The following SH3PXD2A variants were observed in gnomAD, a reference collection of about 807,000 sequenced individuals.
SH3PXD2A encodes SH3 and PX domain-containing protein 2A.
SH3PXD2A carries 32 observed loss-of-function variants against 115.2 expected under a neutral mutation model. The ratio of observed to expected loss-of-function variants is 0.28; its 90% CI spans 0.21 to 0.37. The LOEUF (loss-of-function observed/expected upper bound fraction) is 0.37. SH3PXD2A is among the 10% of genes least tolerant of loss of function. The pLI, the probability that SH3PXD2A is intolerant of heterozygous loss-of-function variation, is 1.00. For missense variants in SH3PXD2A, 1,328 were observed against 1,498.7 expected (o/e 0.89, Z 1.88); for synonymous variants, 610 against 629.1 (o/e 0.97, Z 0.45).
chr10:103,779,320 G>GC (rs2038910606), intron 2 of SH3PXD2A, among the ~76,000 whole-genome samples: 1 of 152,202 alleles, frequency 6.6e-6, no homozygotes, highest in African/African-American at 2.4e-5. Flanking sequence ...CACCCGCCTG[G>GC]CATGAGGCGC....
At chr10:103,727,657 C>A (rs774232441) in intron 4 of SH3PXD2A, among the ~76,000 whole-genome samples, 21 of 152,252 alleles carry the variant, frequency 1.4e-4, no homozygotes, top group Non-Finnish European at 2.8e-4. Context: ...CCAGCCCTGG[C>A]AGGGAACAGA....
intron 4 of SH3PXD2A, among the ~76,000 whole-genome samples, chr10:103,725,882 C>CAAAAT (rs1441813370): frequency 6.6e-6 from 1 of 151,496 alleles, no homozygotes; most frequent in Non-Finnish European, 1.5e-5. Context: ...TAAAATAAAA[C>CAAAAT]AAAATAAAAT....
intron 1 of SH3PXD2A, among the ~76,000 whole-genome samples, chr10:103,847,466 TCCACA>T (rs1436323057): frequency 6.6e-6 from 1 of 152,100 alleles, no homozygotes; most frequent in Non-Finnish European, 1.5e-5. Context: ...GGCGCATGCC[TCCACA>T]CCTGGCTTAT....
Position 103,784,049 on chromosome 10 carries a change from G to T in SH3PXD2A, c.154-16880C>A, listed in dbSNP as rs1310333791. On this transcript the variant is annotated intron_variant, in intron 2 of 14. Transcript: ENST00000369774. This position sits in a 1 kb window ranked among gnomAD's most constrained non-coding sequence, Gnocchi z 4.4. ...AGCCCACCCTGGTGCCCAGCTGCAG[G>T]CTACTTCTCCAGGTGGCAGCCCAGC... 6.6e-6 allele frequency among the ~76,000 whole-genome samples: 1 copy of T among 152,260 alleles called. No homozygotes were observed. The highest frequency in any genetic ancestry group is 1.5e-5 in the Non-Finnish European group (1 of 68,048).
chr10:103,714,656 G>A (rs958347724), intron 5 of SH3PXD2A, among the ~76,000 whole-genome samples: 2 of 152,234 alleles, frequency 1.3e-5, no homozygotes, highest in African/African-American at 4.8e-5. Context: ...GGATGGACAA[G>A]GTTTATTTAT....
chr10:103,630,586 A>C (rs1036687008), intron 8 of SH3PXD2A, among the ~76,000 whole-genome samples: 1 of 152,074 alleles, frequency 6.6e-6, no homozygotes, highest in Non-Finnish European at 1.5e-5. Context: ...TGGGGTGAGA[A>C]GCCTGAGAAT....
intron 8 of SH3PXD2A, among the ~76,000 whole-genome samples, chr10:103,644,116 A>G (rs2036997638): frequency 2.2e-4 from 1 of 4,544 alleles, no homozygotes; most frequent in Non-Finnish European, 3.9e-4. Context: ...CTCCATCCCA[A>G]AAAAAAAAAA....
chr10:103,740,654 AC>A (rs1174733663), intron 3 of SH3PXD2A, among the ~76,000 whole-genome samples: 1 of 152,040 alleles, frequency 6.6e-6, no homozygotes, highest in African/African-American at 2.4e-5. Flanking sequence ...TGGCCTCGGG[AC>A]CTCTTCTGGT....
chr10:103,767,997 G>T (rs1412543201), intron 2 of SH3PXD2A, among the ~76,000 whole-genome samples: 1 of 152,164 alleles, frequency 6.6e-6, no homozygotes, highest in Admixed American at 6.5e-5. Context: ...CTCAGGCAAG[G>T]AATGGAGCCT....
At chr10:103,610,069 T>C (rs936941208) in intron 13 of SH3PXD2A, 1 of 152,310 alleles carries the variant, frequency 6.6e-6, no homozygotes, top group Non-Finnish European at 1.5e-5. Context: ...TCTGAACTTC[T>C]CTTCTTCCCA....
intron 1 of SH3PXD2A, among the ~76,000 whole-genome samples, chr10:103,854,838 C>T (rs1216800449): frequency 6.6e-6 from 1 of 152,062 alleles, no homozygotes; most frequent in African/African-American, 2.4e-5. Context: ...GCCCAGGGCC[C>T]CTGGGGAGGG....
intron 8 of SH3PXD2A, among the ~76,000 whole-genome samples, chr10:103,652,028 T>G (rs2037132312): frequency 6.6e-6 from 1 of 152,220 alleles, no homozygotes; most frequent in Non-Finnish European, 1.5e-5. Flanking sequence ...TTGGCAAACT[T>G]ACTCTGAGTT....
At chr10:103,759,461 G>A (rs2038676519) in intron 3 of SH3PXD2A, among the ~76,000 whole-genome samples, 1 of 152,166 alleles carries the variant, frequency 6.6e-6, no homozygotes, top group Non-Finnish European at 1.5e-5. Flanking sequence ...CAGCTATTAG[G>A]ATGAAGGGCT....
Position 103,611,601 on chromosome 10 carries a change from G to A in SH3PXD2A, c.1288C>T (p.Pro430Ser). 4 of 1,614,170 alleles carry A rather than the reference G, an allele frequency of 2.5e-6. No individual in the cohort carries two copies. The highest frequency in any genetic ancestry group is 2.2e-5 in the East Asian group (1 of 44,880). Residue 430 changes from proline (P) to serine (S), a missense_variant, in exon 13 of 15, where the codon CCA becomes TCA. Transcript: ENST00000369774. ...SSPNLRTRPP[P>S]RRESSLGFQL... ...CATACCAGGCTGGATTCTCTGCGTGGTGGAGGTCTTGTCCGTAGGTTCGGG... is the reference window on the plus strand; with the variant it reads ...CATACCAGGCTGGATTCTCTGCGTGATGGAGGTCTTGTCCGTAGGTTCGGG...
At chr10:103,684,952 CAA>C (rs1157232761) in intron 6 of SH3PXD2A, among the ~76,000 whole-genome samples, 1 of 151,926 alleles carries the variant, frequency 6.6e-6, no homozygotes, top group African/African-American at 2.4e-5. Flanking sequence ...GCCAGGAGGT[CAA>C]GTCTGCAGTG....
At chr10:103,742,734 C>T (rs940912825) in intron 3 of SH3PXD2A, among the ~76,000 whole-genome samples, 4 of 152,132 alleles carry the variant, frequency 2.6e-5, no homozygotes, top group Admixed American at 6.5e-5. Flanking sequence ...CTGAAGCCCT[C>T]GTGGGGGACA....
In SH3PXD2A at chr10:103,746,789, C is replaced by T. The variant is rs1291210256; in HGVS notation, c.230-10981G>A. On this transcript the variant is annotated intron_variant, in intron 3 of 14. Coordinates refer to ENST00000369774, the MANE Select transcript of SH3PXD2A (RefSeq NM_001394015.1). The surrounding 1 kb of genome is among the most constrained non-coding windows in gnomAD (Gnocchi z 4.4). ...ACAGACACATCCTGCTCTTCCCCAC[C>T]TCAGGCCTGTGTGTTCGCTGTCCCT... The T allele has an allele frequency of 6.6e-6, 1 of 152,606 alleles. No individual in the cohort carries two copies. Among genetic ancestry groups the T allele is most frequent in the Non-Finnish European group, 1.5e-5 (1 of 68,298 alleles). 9.5% of individuals were successfully genotyped at this position (152,606 alleles called of 1,614,324 possible).
chr10:103,765,916 C>T (rs1453990695), intron 3 of SH3PXD2A, among the ~76,000 whole-genome samples: 2 of 152,306 alleles, frequency 1.3e-5, no homozygotes, highest in East Asian at 3.9e-4. Context: ...GGCCAGGGGC[C>T]GAGAGTCCCT....
chr10:103,603,527 C>A lies in SH3PXD2A; in HGVS notation c.1691G>T (p.Gly564Val). The A allele has an allele frequency of 6.2e-7, 1 of 1,612,644 alleles. No homozygotes were observed. Among genetic ancestry groups the A allele is most frequent in the African/African-American group, 1.3e-5 (1 of 75,040 alleles). Residue 564 changes from glycine to valine, a missense_variant, in exon 15 of 15, where the codon GGC (glycine) becomes GTC (valine). This residue lies in a region of SH3PXD2A where 509 missense variants were observed against 628.3 expected (regional missense o/e 0.81). Transcript: ENST00000369774. ...GCTCAGCTCAGGCTCTGAGTCAAAG[C>A]CGAATGCAGGGATGTCATACTCAGG... Reference protein sequence around the residue: ...EEPEYDIPAFGFDSEPELSEE... With the variant: ...EEPEYDIPAFVFDSEPELSEE...
Sources: gnomAD v4.1 joint callset for allele counts (sites outside exome capture counted in the v4.1 genomes callset) on GRCh38, gnomAD v4.1.1 for gene constraint, gnomAD v4.1.1 regional missense constraint, Gnocchi (gnomAD v3.1) non-coding constraint, MANE v1.5 for transcripts, NCBI Gene and HGNC (gene_info 2026-07-23, HGNC 2026-07-21) for gene names.